Variants in PRSS1 observed in about 807,000 individuals in gnomAD.
The protein encoded by PRSS1 is TCR V beta 4.1.
A neutral mutation model predicts 24.2 loss-of-function variants in PRSS1; 22 were observed. The ratio of observed to expected loss-of-function variants is 0.91; its 90% CI spans 0.65 to 1.30. The LOEUF (loss-of-function observed/expected upper bound fraction) is 1.30. Among genes scored for constraint, PRSS1 ranks in the 50% most tolerant of loss-of-function variants. PRSS1 has a pLI of 0.00. For missense variants in PRSS1, 366 were observed against 304.2 expected (o/e 1.20, Z -1.51); for synonymous variants, 126 against 116.1 (o/e 1.08, Z -0.55).
At position 142,750,577 on chromosome 7, in the gene PRSS1, TGAC is replaced by T; in HGVS notation, c.64_66del (p.Asp22del). Reference sequence around the variant, plus strand: ...CAGTTGCTGCCCCCTTTGATGATGATGACAAGATCGTTGGGGGCTACAACTGTG... The same window carrying T: ...CAGTTGCTGCCCCCTTTGATGATGATAAGATCGTTGGGGGCTACAACTGTG... On this transcript the variant is annotated inframe_deletion, in exon 2 of 5. Coordinates refer to ENST00000311737, the MANE Select transcript of PRSS1 (RefSeq NM_002769.5). 6.2e-7 allele frequency: 1 copy of T among 1,614,026 alleles called. No homozygotes were observed. Among genetic ancestry groups the T allele is most frequent in the Non-Finnish European group, 8.5e-7 (1 of 1,179,874 alleles).
At chr7:142,752,834 T>A (rs778142676) in intron 4 of PRSS1, 34 bp from the exon 5 acceptor site, 1 of 1,608,786 alleles carries the variant, frequency 6.2e-7, no homozygotes, top group South Asian at 1.1e-5. Flanking sequence ...TCCTCCTCCA[T>A]CTCTCCATAC....
At chr7:142,752,694 A>C in intron 4 of PRSS1, 127 bp downstream of exon 4, 1 of 1,533,502 alleles carries the variant, frequency 6.5e-7, no homozygotes, top group East Asian at 2.3e-5. Context: ...TGGAGAAGTG[A>C]GGAAGACTCC....
At chr7:142,750,415 AG>A in intron 1 of PRSS1, 139 bp from the exon 2 acceptor site, 2 of 1,435,502 alleles carry the variant, frequency 1.4e-6, no homozygotes, top group Non-Finnish European at 2.0e-6. Flanking sequence ...GATGATCACC[AG>A]GGGTGGCAGA....
chr7:142,750,312 C>G (rs1798590985), intron 1 of PRSS1, among the ~76,000 whole-genome samples: 1 of 152,196 alleles, frequency 6.6e-6, no homozygotes, highest in Non-Finnish European at 1.5e-5. Flanking sequence ...TTCCTTGCGA[C>G]TTCAGCCTGG....
chr7:142,751,347 A>G (rs1441189484), intron 2 of PRSS1: 7 of 589,340 alleles, frequency 1.2e-5, no homozygotes, highest in South Asian at 2.0e-5. Flanking sequence ...CTACCCTTGG[A>G]TTAGATTACA....
In PRSS1 at chr7:142,750,646, C is replaced by T. The variant is rs761068371; in HGVS notation, c.132C>T (p.Gly44=). ...SVPYQVSLNS[G]YHFCGGSLIN... is the part of the protein sequence containing the mutation. ...CCTACCAGGTGTCCCTGAATTCTGGCTACCACTTCTGTGGTGGCTCCCTCA... is the reference window on the plus strand; with the variant it reads ...CCTACCAGGTGTCCCTGAATTCTGGTTACCACTTCTGTGGTGGCTCCCTCA... The change falls in exon 2 of 5, where the codon GGC becomes GGT. Residue 44 remains glycine, a synonymous_variant. Transcript: ENST00000311737. 1 of 1,614,032 alleles carries T rather than the reference C, an allele frequency of 6.2e-7. No individual in the cohort carries two copies. Among genetic ancestry groups the T allele is most frequent in the Non-Finnish European group, 8.5e-7 (1 of 1,179,876 alleles).
intron 2 of PRSS1, chr7:142,751,128 T>G: frequency 1.4e-6 from 1 of 702,410 alleles, no homozygotes; most frequent in Non-Finnish European, 2.6e-6. Flanking sequence ...TTTTACACTC[T>G]ACCTCTGCTA....
Position 142,752,034 on chromosome 7 carries a change from G to A in PRSS1, c.454+7G>A, listed in dbSNP as rs755175379. On this transcript the variant is annotated splice_region_variant and intron_variant, in intron 3 of 4. Transcript: ENST00000311737. Reference sequence around the variant, plus strand: ...AACACTGCGAGCTCTGGCGGTGAGTGGGACCCTTAGTCCTTCTACTTCCCT... The same window carrying A: ...AACACTGCGAGCTCTGGCGGTGAGTAGGACCCTTAGTCCTTCTACTTCCCT... 2.9e-5 allele frequency: 47 copies of A among 1,613,952 alleles called. No homozygotes were observed. Among genetic ancestry groups the A allele is most frequent in the Non-Finnish European group, 3.6e-5 (42 of 1,180,002 alleles).
rs776401461 is a variant in PRSS1 at position 142,750,564 on chromosome 7, C to A, written c.50C>A (p.Pro17His). 3 of 1,614,020 alleles carry A rather than the reference C, an allele frequency of 1.9e-6. No individual in the cohort carries two copies. Among genetic ancestry groups the A allele is most frequent in the South Asian group, 2.2e-5 (2 of 91,060 alleles). Residue 17 changes from proline to histidine, a missense_variant, in exon 2 of 5, where the codon CCC becomes CAC. Coordinates refer to ENST00000311737, the MANE Select transcript of PRSS1 (RefSeq NM_002769.5). ...LTFVAAALAAPFDDDDKIVGG... is the reference protein window; with the variant it reads ...LTFVAAALAAHFDDDDKIVGG... ...CCCATCTCCACTCCAGTTGCTGCCC[C>A]CTTTGATGATGATGACAAGATCGTT... is the stretch of plus-strand genomic sequence containing the variant.
At chr7:142,749,586 TTCCATTC>T in intron 1 of PRSS1, 62 bp downstream of exon 1, 1 of 1,552,296 alleles carries the variant, frequency 6.4e-7, no homozygotes, top group Non-Finnish European at 8.9e-7. Context: ...ACAAATGCCC[TTCCATTC>T]TTACCACCTC....
At position 142,752,390 on chromosome 7, in the gene PRSS1, C is replaced by T. The variant is rs752978356; in HGVS notation, c.455-41C>T. 5 of 1,609,720 alleles carry T rather than the reference C, an allele frequency of 3.1e-6. No homozygotes were observed. In the African/African-American group the frequency reaches 5.4e-5, roughly 17 times the overall value. On this transcript the variant is annotated intron_variant, in intron 3 of 4. Coordinates refer to ENST00000311737, the MANE Select transcript of PRSS1 (RefSeq NM_002769.5). ...TTATTGTCTCCTTCTCTGGCCTGAC[C>T]CACATTTCTACTTCCTTTGATCTCT...
chr7:142,750,780 C>A, intron 2 of PRSS1, 66 bp downstream of exon 2: 2 of 1,608,460 alleles, frequency 1.2e-6, no homozygotes, highest in Non-Finnish European at 1.7e-6. Context: ...GGCTTCAGCC[C>A]AGGGAACTAC....
At chr7:142,752,084 A>C (rs1798787664) in intron 3 of PRSS1, 57 bp downstream of exon 3, 17 of 1,611,078 alleles carry the variant, frequency 1.1e-5, no homozygotes, top group Non-Finnish European at 1.4e-5. Flanking sequence ...TCCAGAACAA[A>C]CCATGCCCCT....
chr7:142,750,931 A>C lies in PRSS1; in HGVS notation c.200+217A>C, dbSNP rs1428393528. The C allele has an allele frequency of 7.6e-6, 6 of 788,052 alleles. No homozygotes were observed. In the South Asian group the frequency reaches 8.8e-5, roughly 12 times the overall value. 48.8% of individuals were successfully genotyped at this position (788,052 alleles called of 1,614,324 possible). ...CCATGAAACAGCAAGGGTTGTGGTCATAAAAGCAGGCAGGGATGATCTTGG... is the reference window on the plus strand; with the variant it reads ...CCATGAAACAGCAAGGGTTGTGGTCCTAAAAGCAGGCAGGGATGATCTTGG... On this transcript the variant is annotated intron_variant, in intron 2 of 4. Coordinates refer to ENST00000311737, the MANE Select transcript of PRSS1 (RefSeq NM_002769.5).
intron 1 of PRSS1, among the ~76,000 whole-genome samples, chr7:142,750,023 C>T (rs962891098): frequency 5.9e-5 from 9 of 152,012 alleles, no homozygotes; most frequent in African/African-American, 1.7e-4. Context: ...GAATTGCTGT[C>T]CTATTGGCCA....
At chr7:142,750,854 C>T (rs761516582) in intron 2 of PRSS1, 140 bp downstream of exon 2, 4 of 1,261,454 alleles carry the variant, frequency 3.2e-6, no homozygotes, top group Admixed American at 1.9e-5. Flanking sequence ...GCTGCGGACT[C>T]TCCAGAGCAG....
In PRSS1 at chr7:142,752,916, G is replaced by A; in HGVS notation, c.640G>A (p.Val214Ile). 6.2e-7 allele frequency: 1 copy of A among 1,614,050 alleles called. No homozygotes were observed. The highest frequency in any genetic ancestry group is 8.5e-7 in the Non-Finnish European group (1 of 1,179,922). The stretch of plus-strand genomic sequence containing the variant: ...CTGCAATGGACAGCTCCAAGGAGTT[G>A]TCTCCTGGGGTGATGGCTGTGCCCA... ...VVCNGQLQGV[V>I]SWGDGCAQKN... The change falls in exon 5 of 5, where the codon GTC becomes ATC. Residue 214 changes from valine (V) to isoleucine (I), a missense_variant. Coordinates refer to ENST00000311737, the MANE Select transcript of PRSS1 (RefSeq NM_002769.5).
chr7:142,750,578 G>A lies in PRSS1; in HGVS notation c.64G>A (p.Asp22Asn), dbSNP rs1563258794. Residue 22 changes from aspartate (D) to asparagine (N), a missense_variant, in exon 2 of 5, where the codon GAC becomes AAC. Transcript: ENST00000311737. ...AALAAPFDDD[D>N]KIVGGYNCEE... ...AGTTGCTGCCCCCTTTGATGATGAT[G>A]ACAAGATCGTTGGGGGCTACAACTG... is the stretch of plus-strand genomic sequence containing the variant. 1 of 1,614,028 alleles carries A rather than the reference G, an allele frequency of 6.2e-7. No homozygotes were observed. Among genetic ancestry groups the A allele is most frequent in the Non-Finnish European group, 8.5e-7 (1 of 1,179,864 alleles).
chr7:142,750,500 G>T, intron 1 of PRSS1, 55 bp from the exon 2 acceptor site: 1 of 1,612,220 alleles, frequency 6.2e-7, no homozygotes, highest in Non-Finnish European at 8.5e-7. Context: ...CAGGCTGGGA[G>T]CGCCACCCCT....
Sources: allele counts gnomAD v4.1 joint callset (sites outside exome capture counted in the v4.1 genomes callset), GRCh38; gene constraint gnomAD v4.1.1; transcripts MANE v1.5; gene names NCBI Gene and HGNC (gene_info 2026-07-23, HGNC 2026-07-21).